The following DAAM2 variants were observed in gnomAD, a reference collection of about 807,000 sequenced individuals.
The protein encoded by DAAM2 is disheveled-associated activator of morphogenesis 2.
In DAAM2, 39 loss-of-function variants were observed where a neutral mutation model predicts 120.7. The observed-to-expected ratio is 0.32, with a 90% CI of 0.25 to 0.42. The LOEUF is 0.42. Among genes scored for constraint, DAAM2 ranks in the 10% least tolerant of loss-of-function variants. The pLI, the probability that DAAM2 is intolerant of heterozygous loss-of-function variation, is 1.00. For synonymous variants in DAAM2, 488 were observed against 524.9 expected (o/e 0.93, Z 0.96); for missense variants, 1,283 against 1,401.7 (o/e 0.92, Z 1.35).
At chr6:39,800,395 C>G (rs1247450305) in intron 1 of DAAM2, among the ~76,000 whole-genome samples, 1 of 152,186 alleles carries the variant, frequency 6.6e-6, no homozygotes, top group Non-Finnish European at 1.5e-5. Flanking sequence ...CTCCTTGGAG[C>G]TCCTTAATTA....
intron 5 of DAAM2, 94 bp from the exon 6 acceptor site, chr6:39,867,416 G>T (rs752325231): frequency 4.9e-6 from 6 of 1,212,932 alleles, no homozygotes; most frequent in Non-Finnish European, 7.1e-6. Context: ...GTGGGACAAG[G>T]TGCATGGTGG....
chr6:39,881,332 A>G (rs1765106031), intron 14 of DAAM2, among the ~76,000 whole-genome samples: 1 of 152,234 alleles, frequency 6.6e-6, no homozygotes, highest in Non-Finnish European at 1.5e-5. Context: ...TTATCACCCC[A>G]ATGCCAAGCT....
chr6:39,846,775 TC>T (rs566609575), intron 1 of DAAM2, among the ~76,000 whole-genome samples: 23 of 152,058 alleles, frequency 1.5e-4, no homozygotes, highest in African/African-American at 5.3e-4. Flanking sequence ...TTGTCTCTCT[TC>T]CCAACCAAAC....
At position 39,867,662 on chromosome 6, in the gene DAAM2, T is replaced by C; in HGVS notation, c.581T>C (p.Val194Ala). Residue 194 changes from valine to alanine, a missense_variant, in exon 6 of 25, where the codon GTG (valine) becomes GCG (alanine). Transcript: ENST00000274867. ...AACAACTCCCAGGGGCGGGCACATGTGCTGGCACAGCCTGAGGCCATTAGT... is the reference window on the plus strand; with the variant it reads ...AACAACTCCCAGGGGCGGGCACATGCGCTGGCACAGCCTGAGGCCATTAGT... ...LMNNSQGRAH[V>A]LAQPEAISTI... is the part of the protein sequence containing the mutation. 1.2e-6 allele frequency: 2 copies of C among 1,614,044 alleles called. No homozygotes were observed. Among genetic ancestry groups the C allele is most frequent in the Non-Finnish European group, 1.7e-6 (2 of 1,179,898 alleles).
intron 1 of DAAM2, chr6:39,792,864 C>T (rs1761587754): frequency 6.6e-6 from 1 of 152,274 alleles, no homozygotes; most frequent in Admixed American, 6.5e-5. Context: ...GGTGGCTTTT[C>T]CGGGTTCGGC....
intron 1 of DAAM2, among the ~76,000 whole-genome samples, chr6:39,842,147 G>A (rs758394897): frequency 8.5e-5 from 13 of 152,088 alleles, no homozygotes; most frequent in Non-Finnish European, 1.6e-4. Flanking sequence ...TCATTGGCTG[G>A]GCCATGAAGG....
At chr6:39,857,688 G>A (rs1764061047) in intron 2 of DAAM2, among the ~76,000 whole-genome samples, 1 of 152,174 alleles carries the variant, frequency 6.6e-6, no homozygotes, top group African/African-American at 2.4e-5. Flanking sequence ...GCATCTTCAG[G>A]ACAGGGACCC....
chr6:39,892,113 C>T (rs1177508962), intron 19 of DAAM2, among the ~76,000 whole-genome samples: 1 of 152,178 alleles, frequency 6.6e-6, no homozygotes, highest in Non-Finnish European at 1.5e-5. Context: ...GACTTCTGGG[C>T]ACGTTAGTTT....
At chr6:39,897,043 A>T (rs748270917) in intron 20 of DAAM2, 63 bp downstream of exon 20, 104 of 1,556,270 alleles carry the variant, frequency 6.7e-5, no homozygotes, top group Middle Eastern at 3.4e-4. Flanking sequence ...GGCCTCTCAC[A>T]TCCTCCCTCT....
At chr6:39,800,503 GC>G (rs1761829076) in intron 1 of DAAM2, among the ~76,000 whole-genome samples, 2 of 152,194 alleles carry the variant, frequency 1.3e-5, no homozygotes, top group African/African-American at 2.4e-5. Context: ...AAGCATGTGG[GC>G]CCTGCACTCA....
chr6:39,854,756 C>A (rs977479817), intron 1 of DAAM2, among the ~76,000 whole-genome samples: 1 of 152,156 alleles, frequency 6.6e-6, no homozygotes, highest in African/African-American at 2.4e-5. Flanking sequence ...TTTAGCATAT[C>A]TTGAGTTCTA....
At position 39,902,199 on chromosome 6, in the gene DAAM2, C is replaced by T. The variant is rs978225355; in HGVS notation, c.*162C>T. 25 of 535,694 alleles carry T rather than the reference C, an allele frequency of 4.7e-5. No individual in the cohort carries two copies. The Middle Eastern group carries it at 1.5e-3, about 31-fold the overall frequency. 33.2% of individuals were successfully genotyped at this position (535,694 alleles called of 1,614,324 possible). On this transcript the variant is annotated 3_prime_UTR_variant, in exon 25 of 25. Coordinates refer to ENST00000274867, the MANE Select transcript of DAAM2 (RefSeq NM_001201427.2). ...TGTGGCTGGACCAGGTGTCTCCCCA[C>T]GCTTACCTTAAGGGGCTCCTCTTAT...
At chr6:39,813,893 A>T (rs1762235855) in intron 1 of DAAM2, among the ~76,000 whole-genome samples, 1 of 152,230 alleles carries the variant, frequency 6.6e-6, no homozygotes, top group South Asian at 2.1e-4. Flanking sequence ...TCTTCTGGTT[A>T]GTATTACCAA....
chr6:39,823,189 T>C (rs969168982), intron 1 of DAAM2: 1 of 152,182 alleles, frequency 6.6e-6, no homozygotes. Context: ...CAAACTGGGC[T>C]CTACACTGTG....
At chr6:39,877,904 TA>T (rs1474983122) in intron 11 of DAAM2, among the ~76,000 whole-genome samples, 1 of 152,228 alleles carries the variant, frequency 6.6e-6, no homozygotes, top group Non-Finnish European at 1.5e-5. Flanking sequence ...GTTCTACCAT[TA>T]ATTAGCTCTT....
chr6:39,897,868 G>T (rs192347538), intron 21 of DAAM2, among the ~76,000 whole-genome samples: 2 of 152,260 alleles, frequency 1.3e-5, no homozygotes, highest in East Asian at 3.9e-4. Flanking sequence ...ATTACAATGC[G>T]AATGCTGAGG....
At chr6:39,803,029 C>T (rs890060224) in intron 1 of DAAM2, among the ~76,000 whole-genome samples, 2 of 149,578 alleles carry the variant, frequency 1.3e-5, no homozygotes, top group Non-Finnish European at 3.0e-5. Context: ...CATTCATTCT[C>T]ATTGTTGCGT....
intron 1 of DAAM2, among the ~76,000 whole-genome samples, chr6:39,796,694 C>T (rs1761715007): frequency 6.6e-6 from 1 of 150,376 alleles, no homozygotes; most frequent in African/African-American, 2.4e-5. Context: ...TCAATCCTGG[C>T]CAAAGAGGAG....
At position 39,811,564 on chromosome 6, in the gene DAAM2, C is replaced by A. The variant is rs114776044; in HGVS notation, c.-57+19099C>A. 2.8e-3 allele frequency among the ~76,000 whole-genome samples: 420 copies of A among 152,270 alleles called. 1 individual carries two copies. The highest frequency in any genetic ancestry group is 9.3e-3 in the African/African-American group (387 of 41,552). The stretch of plus-strand genomic sequence containing the variant: ...TCTCTGGAACGTCTGCCTGGATTTA[C>A]CCCATGGAATGTGGATTCCTTAAAT... On this transcript the variant is annotated intron_variant, in intron 1 of 24. Transcript: ENST00000274867.
Sources: allele counts gnomAD v4.1 joint callset (sites outside exome capture counted in the v4.1 genomes callset), GRCh38; gene constraint gnomAD v4.1.1; transcripts MANE v1.5; gene names NCBI Gene and HGNC (gene_info 2026-07-23, HGNC 2026-07-21).